The following BSDC1 variants were observed in gnomAD, a reference collection of about 807,000 sequenced individuals.
The protein encoded by BSDC1 is BSD domain-containing protein 1.
A neutral mutation model predicts 56.0 loss-of-function variants in BSDC1; 29 were observed. The observed-to-expected ratio is 0.52, with a 90% confidence interval of 0.39 to 0.71. BSDC1 has a LOEUF of 0.71. Ranked by LOEUF, BSDC1 falls within the 30% of genes least tolerant of loss-of-function variation. The pLI is 0.00. For synonymous variants in BSDC1, 210 were observed against 215.3 expected, an observed-to-expected ratio of 0.98 and a Z score of 0.21; for missense variants, 477 against 548.5, an observed-to-expected ratio of 0.87 and a Z score of 1.30.
At chr1:32,368,105 C>A in intron 10 of BSDC1, 1 of 1,371,338 alleles carries the variant, frequency 7.3e-7, no homozygotes, top group Non-Finnish European at 9.4e-7. Context: ...CTCCTCGCCT[C>A]AAGCAATCCT....
At chr1:32,380,138 G>A (rs1000214902) in intron 5 of BSDC1, among the ~76,000 whole-genome samples, 5 of 152,128 alleles carry the variant, frequency 3.3e-5, no homozygotes, top group African/African-American at 1.2e-4. Flanking sequence ...GAGCCTTTTA[G>A]GCCAAAATTC....
intron 8 of BSDC1, among the ~76,000 whole-genome samples, chr1:32,377,144 A>C (rs943874842): frequency 6.6e-6 from 1 of 152,120 alleles, no homozygotes; most frequent in African/African-American, 2.4e-5. Context: ...TCAAAACGAA[A>C]AAAAAAAGAC....
At chr1:32,375,894 T>C (rs1346948188) in intron 9 of BSDC1, among the ~76,000 whole-genome samples, 2 of 152,186 alleles carry the variant, frequency 1.3e-5, no homozygotes, top group African/African-American at 4.8e-5. Flanking sequence ...AATCTGGGCC[T>C]CCTGGCCATG....
chr1:32,369,262 A>G, intron 9 of BSDC1: 1 of 1,289,722 alleles, frequency 7.8e-7, no homozygotes, highest in Non-Finnish European at 1.0e-6. Context: ...AGAGCGGAGA[A>G]GCACTTTGGC....
At chr1:32,385,497 C>T (rs917714642) in intron 3 of BSDC1, among the ~76,000 whole-genome samples, 3 of 151,970 alleles carry the variant, frequency 2.0e-5, no homozygotes, top group Non-Finnish European at 4.4e-5. Flanking sequence ...GAGGCCGAAG[C>T]AGGTGGATCC....
intron 10 of BSDC1, chr1:32,367,207 G>A: frequency 1.0e-6 from 1 of 985,534 alleles, no homozygotes; most frequent in Non-Finnish European, 1.2e-6. Context: ...CCCAGCTCAA[G>A]TCTCCCCACG....
At position 32,394,135 on chromosome 1, in the gene BSDC1, T is replaced by C; in HGVS notation, c.17A>G (p.Asp6Gly). Reference sequence around the variant, plus strand: ...CAGCCAGCTCCGCCACCATCCCACGTCCTCCCTGTGGAAGACAGACACATC... The same window carrying C: ...CAGCCAGCTCCGCCACCATCCCACGCCCTCCCTGTGGAAGACAGACACATC... MAEGEDVGWWRSWLQQ... is the reference protein window; with the variant it reads MAEGEGVGWWRSWLQQ... Residue 6 changes from aspartate to glycine, a missense_variant, in exon 2 of 11, where the codon GAC becomes GGC. Coordinates refer to ENST00000455895, the MANE Select transcript of BSDC1 (RefSeq NM_018045.8). 3.7e-6 allele frequency: 6 copies of C among 1,608,928 alleles called. No homozygotes were observed. Among genetic ancestry groups the C allele is most frequent in the Non-Finnish European group, 5.1e-6 (6 of 1,177,822 alleles).
intron 3 of BSDC1, among the ~76,000 whole-genome samples, chr1:32,385,560 C>G (rs1045211999): frequency 1.3e-5 from 2 of 152,088 alleles, no homozygotes; most frequent in African/African-American, 4.8e-5. Flanking sequence ...AACCCTATCT[C>G]TACAAAAAAT....
At chr1:32,367,958 A>G in intron 10 of BSDC1, 2 of 1,058,672 alleles carry the variant, frequency 1.9e-6, no homozygotes, top group Non-Finnish European at 2.3e-6. Flanking sequence ...AAGGCCAAGT[A>G]TATACTCAGG....
At position 32,366,534 on chromosome 1, in the gene BSDC1, G is replaced by T; in HGVS notation, c.*88C>A. 1 of 1,260,794 alleles carries T rather than the reference G, an allele frequency of 7.9e-7. No homozygotes were observed. Among genetic ancestry groups the T allele is most frequent in the Non-Finnish European group, 1.1e-6 (1 of 881,430 alleles). The allele number at this position is 1,260,794 out of a possible 1,614,324, so 78.1% of individuals were successfully genotyped here. ...TCTGGTTGGCAGAGGAGATTTGGGG[G>T]AACATTCTCAGTCTTCCAGGGCTGG... On this transcript the variant is annotated 3_prime_UTR_variant, in exon 11 of 11. Transcript: ENST00000455895.
chr1:32,381,153 C>T (rs1642465047), intron 5 of BSDC1, 61 bp downstream of exon 5: 1 of 1,569,216 alleles, frequency 6.4e-7, no homozygotes, highest in Admixed American at 1.7e-5. Context: ...ACAGGGTCTA[C>T]AACCCAGCCC....
intron 9 of BSDC1, 92 bp downstream of exon 9, chr1:32,376,170 A>G: frequency 7.5e-7 from 1 of 1,337,382 alleles, no homozygotes; most frequent in South Asian, 2.5e-5. Flanking sequence ...AAATCTGCTC[A>G]TAGTATCCTA....
At chr1:32,367,431 T>C (rs1641892603) in intron 10 of BSDC1, 11 of 985,194 alleles carry the variant, frequency 1.1e-5, no homozygotes, top group African/African-American at 1.7e-5. Flanking sequence ...TACTCCTGAG[T>C]AGGTAAAATA....
At chr1:32,370,420 T>C (rs1642032354) in intron 9 of BSDC1, among the ~76,000 whole-genome samples, 1 of 152,162 alleles carries the variant, frequency 6.6e-6, no homozygotes, top group African/African-American at 2.4e-5. Context: ...CTCTTATGTA[T>C]TTCAAGTTTT....
rs987173355 is a variant in BSDC1, at chr1:32,389,938, A to T, written c.73-3043T>A. Among the ~76,000 whole-genome samples the T allele has an allele frequency of 2.0e-5, 3 of 149,602 alleles. No homozygotes were observed. The Admixed American group carries it at 2.0e-4, about 10-fold the overall frequency. ...CAGTGGGCTGTGATCATGCCACTGC[A>T]CTCCAGTCTGGGTAACAGAGTGAGA... On this transcript the variant is annotated intron_variant, in intron 2 of 10. Coordinates refer to ENST00000455895, the MANE Select transcript of BSDC1 (RefSeq NM_018045.8).
intron 2 of BSDC1, among the ~76,000 whole-genome samples, chr1:32,389,318 T>A (rs943550779): frequency 2.6e-5 from 4 of 152,260 alleles, no homozygotes; most frequent in African/African-American, 9.6e-5. Flanking sequence ...AGGTCCTATG[T>A]GTTTTGTTCC....
chr1:32,376,246 G>A lies in BSDC1; in HGVS notation c.1156+16C>T. On this transcript the variant is annotated intron_variant, in intron 9 of 10. Transcript: ENST00000455895. ...TGACCGCACACAACCCTCTGGGCTTGGACCTCCAGACCTACCTTTCTTTCC... is the reference window on the plus strand; with the variant it reads ...TGACCGCACACAACCCTCTGGGCTTAGACCTCCAGACCTACCTTTCTTTCC... 1 of 1,466,518 alleles carries A rather than the reference G, an allele frequency of 6.8e-7. No homozygotes were observed. Among genetic ancestry groups the A allele is most frequent in the Non-Finnish European group, 9.1e-7 (1 of 1,099,084 alleles). 90.8% of individuals were successfully genotyped at this position (1,466,518 alleles called of 1,614,324 possible).
rs1641921174 is a variant in BSDC1, at chr1:32,368,176, ATC to A, written c.1260+269_1260+270del. The stretch of plus-strand genomic sequence containing the variant: ...TGTGAGCCACCGCGCTCAGCATGAC[ATC>A]TGTTTTCTTAAGCAGTTTCTCAGGC... On this transcript the variant is annotated intron_variant, in intron 10 of 10. Coordinates refer to ENST00000455895, the MANE Select transcript of BSDC1 (RefSeq NM_018045.8). 5 of 1,434,198 alleles carry A rather than the reference ATC, an allele frequency of 3.5e-6. No individual in the cohort carries two copies. The East Asian group carries it at 1.0e-4, about 29-fold the overall frequency. The allele number at this position is 1,434,198 out of a possible 1,614,324, so 88.8% of individuals were successfully genotyped here. A position where few individuals can be genotyped will look rare whatever the true frequency, so the allele number is the denominator to read the frequency against.
intron 4 of BSDC1, among the ~76,000 whole-genome samples, chr1:32,382,833 G>A (rs138150158): frequency 0.013 from 1,722 of 130,658 alleles, 37 homozygotes; most frequent in African/African-American, 0.048. Flanking sequence ...TCATGCCACC[G>A]CACTCCAGCC....
Sources: allele counts gnomAD v4.1 joint callset (sites outside exome capture counted in the v4.1 genomes callset), GRCh38; gene constraint gnomAD v4.1.1; transcripts MANE v1.5; gene names NCBI Gene and HGNC (gene_info 2026-07-23, HGNC 2026-07-21).